The following RIC1 variants were observed in gnomAD, a reference collection of about 807,000 sequenced individuals.
RIC1 encodes the protein guanine nucleotide exchange factor subunit RIC1.
In RIC1, 88 loss-of-function variants were observed where a neutral mutation model predicts 169.0. That is an observed-to-expected ratio of 0.52 (90% confidence interval 0.44 to 0.62). The LOEUF is 0.62. Among genes scored for constraint, RIC1 ranks in the 20% least tolerant of loss-of-function variants. The pLI, the probability that RIC1 is intolerant of heterozygous loss-of-function variation, is 0.00. For missense variants in RIC1, 1,877 were observed against 1,725.5 expected (o/e 1.09, Z -1.56); for synonymous variants, 790 against 601.5 (o/e 1.31, Z -4.59).
intron 9 of RIC1, 114 bp from the exon 10 acceptor site, chr9:5,743,575 G>T (rs148100937): frequency 3.9e-6 from 3 of 777,084 alleles, no homozygotes; most frequent in Non-Finnish European, 6.4e-6. Flanking sequence ...GCATTATTAT[G>T]TATTTCTATT....
intron 2 of RIC1, among the ~76,000 whole-genome samples, chr9:5,672,314 C>T (rs888390012): frequency 1.3e-5 from 2 of 152,108 alleles, no homozygotes; most frequent in African/African-American, 4.8e-5. Flanking sequence ...AAATATGTGG[C>T]TCCTATTGAT....
At chr9:5,742,798 G>GGAAA (rs374540954) in intron 8 of RIC1, 71 bp from the exon 9 acceptor site, 6 of 1,023,616 alleles carry the variant, frequency 5.9e-6, no homozygotes, top group Middle Eastern at 3.2e-4. Flanking sequence ...GATTGTATTT[G>GGAAA]AAAAAAAAAA....
intron 3 of RIC1, chr9:5,713,622 T>G (rs1156959715): frequency 3.9e-6 from 1 of 257,108 alleles, no homozygotes; most frequent in Non-Finnish European, 7.5e-6. Flanking sequence ...TAGAGTTAGT[T>G]CACTTTTATT....
chr9:5,639,516 A>G (rs79788701), intron 1 of RIC1, among the ~76,000 whole-genome samples: 6,556 of 152,314 alleles, frequency 0.043, 236 homozygotes, highest in South Asian at 0.18. Flanking sequence ...CATATGAGCA[A>G]TCCTTAAGTG....
At chr9:5,636,576 C>T (rs1160928365) in intron 1 of RIC1, among the ~76,000 whole-genome samples, 1 of 152,162 alleles carries the variant, frequency 6.6e-6, no homozygotes, top group African/African-American at 2.4e-5. Context: ...GCCTCAGCCT[C>T]CCAAAGTGCT....
At chr9:5,766,022 A>G (rs187236376) in intron 21 of RIC1, among the ~76,000 whole-genome samples, 16 of 152,166 alleles carry the variant, frequency 1.1e-4, no homozygotes, top group Admixed American at 7.8e-4. Flanking sequence ...TCTGGAATAG[A>G]TCTTCATGTA....
intron 22 of RIC1, chr9:5,769,804 G>A (rs567980738): frequency 9.4e-6 from 3 of 318,414 alleles, no homozygotes; most frequent in African/African-American, 4.3e-5. Context: ...GTTATCTTAA[G>A]AGCCAAAGCA....
At chr9:5,647,928 G>A (rs1305980851) in intron 1 of RIC1, among the ~76,000 whole-genome samples, 2 of 142,964 alleles carry the variant, frequency 1.4e-5, no homozygotes, top group African/African-American at 5.2e-5. Context: ...GTTTGTGTGT[G>A]TGGGGGTGGG....
chr9:5,636,545 C>G (rs1352207687), intron 1 of RIC1, among the ~76,000 whole-genome samples: 2 of 152,138 alleles, frequency 1.3e-5, no homozygotes, highest in African/African-American at 2.4e-5. Context: ...GTATCGATTC[C>G]TGACCTCAGT....
chr9:5,647,091 C>G (rs80308235), intron 1 of RIC1, among the ~76,000 whole-genome samples: 7,017 of 152,194 alleles, frequency 0.046, 264 homozygotes, highest in South Asian at 0.2. Context: ...TTTGAATGGT[C>G]TAGGTAGCCT....
rs1348270432 is a variant in RIC1 at position 5,641,775 on chromosome 9, A to T, written c.144+12322A>T. ...TAGAATTGCTGCTTGATTTTTAAAA[A>T]TTTAAATTTCTTTGTTTAAAATGTG... On this transcript the variant is annotated intron_variant, in intron 1 of 25. Coordinates refer to ENST00000414202, the MANE Select transcript of RIC1 (RefSeq NM_020829.4). Among the ~76,000 whole-genome samples the T allele has an allele frequency of 2.1e-5, 3 of 143,564 alleles. 1 individual carries two copies. The highest frequency in any genetic ancestry group is 3.0e-5 in the Non-Finnish European group (2 of 67,156). The allele number at this position is 143,564 out of a possible 152,430, so 94.2% of individuals were successfully genotyped here.
chr9:5,709,717 A>C (rs1026977696), intron 3 of RIC1, among the ~76,000 whole-genome samples: 2 of 152,148 alleles, frequency 1.3e-5, no homozygotes, highest in African/African-American at 4.8e-5. Context: ...AATTCTAAGT[A>C]ATAATATTTT....
intron 12 of RIC1, chr9:5,748,516 A>G (rs1013495213): frequency 1.3e-5 from 2 of 152,644 alleles, no homozygotes; most frequent in Non-Finnish European, 2.9e-5. Context: ...ATTAGTAACA[A>G]TTTTTAAATA....
At chr9:5,750,647 G>T (rs1420081204) in intron 12 of RIC1, among the ~76,000 whole-genome samples, 3 of 151,800 alleles carry the variant, frequency 2.0e-5, no homozygotes, top group Non-Finnish European at 2.9e-5. Flanking sequence ...GGCGGATTCA[G>T]TTTCTTTAAG....
intron 7 of RIC1, among the ~76,000 whole-genome samples, chr9:5,735,621 A>G (rs2130941594): frequency 6.6e-6 from 1 of 152,346 alleles, no homozygotes; most frequent in East Asian, 1.9e-4. Context: ...ATAACAAACC[A>G]GTGTCTGCTA....
chr9:5,720,769 G>T lies in RIC1; in HGVS notation c.720+19G>T. 2 of 1,568,772 alleles carry T rather than the reference G, an allele frequency of 1.3e-6. No individual in the cohort carries two copies. Among genetic ancestry groups the T allele is most frequent in the Non-Finnish European group, 1.7e-6 (2 of 1,161,952 alleles). ...TGCAGAGGTATGACTTATTTACTTT[G>T]AAGGGTTTTTTGTTATTGTGTACTT... is the stretch of plus-strand genomic sequence containing the variant. On this transcript the variant is annotated intron_variant, in intron 6 of 25. Coordinates refer to ENST00000414202, the MANE Select transcript of RIC1 (RefSeq NM_020829.4).
rs979005591 is a variant in RIC1, at chr9:5,766,316, C to T, written c.3137+518C>T. ...TCTGCTTCCCAAAGGGCCGGGATTA[C>T]AAGCGTGAGCCACCCTACCTGGCCA... On this transcript the variant is annotated intron_variant, in intron 21 of 25. Transcript: ENST00000414202. 1.8e-4 allele frequency among the ~76,000 whole-genome samples: 28 copies of T among 152,300 alleles called. 1 individual carries two copies. The highest frequency in any genetic ancestry group is 8.5e-4 in the Admixed American group (13 of 15,292).
chr9:5,663,101 G>A (rs1819552360), intron 2 of RIC1, among the ~76,000 whole-genome samples: 1 of 152,168 alleles, frequency 6.6e-6, no homozygotes, highest in Non-Finnish European at 1.5e-5. Flanking sequence ...AAGTCACTCA[G>A]GAGCAGGCTG....
intron 4 of RIC1, among the ~76,000 whole-genome samples, chr9:5,715,609 A>G (rs1188652984): frequency 1.3e-5 from 2 of 152,230 alleles, no homozygotes; most frequent in Non-Finnish European, 2.9e-5. Context: ...CACCACAAAT[A>G]TAAGTCAGAT....
Sources: allele counts gnomAD v4.1 joint callset (sites outside exome capture counted in the v4.1 genomes callset), GRCh38; gene constraint gnomAD v4.1.1; transcripts MANE v1.5; gene names NCBI Gene and HGNC (gene_info 2026-07-23, HGNC 2026-07-21).